The following PRM3 variants were observed in gnomAD, a reference collection of about 807,000 sequenced individuals.
PRM3 encodes protamine 3.
For missense variants in PRM3, 160 were observed against 133.1 expected (o/e 1.20, Z -0.99); for synonymous variants, 72 against 58.2 (o/e 1.24, Z -1.08).
At position 11,273,517 on chromosome 16, in the gene PRM3, C is replaced by T; in HGVS notation, c.79G>A (p.Gly27Ser). The T allele has an allele frequency of 6.2e-7, 1 of 1,610,888 alleles. No homozygotes were observed. Among genetic ancestry groups the T allele is most frequent in the Non-Finnish European group, 8.5e-7 (1 of 1,178,636 alleles). ...AGCTTTTTCATGGAGGATTCGTGGC[C>T]CCGGCCATGGCCCGTGCTGTGGCCT... ...SPGHSTGHGR[G>S]HESSMKKLMA... The change falls in exon 1 of 1, where the codon GGC becomes AGC. Residue 27 changes from glycine (G) to serine (S), a missense_variant. Coordinates refer to ENST00000327157, the MANE Select transcript of PRM3 (RefSeq NM_021247.3).
Position 11,273,232 on chromosome 16 carries a change from ACACTGT to A in PRM3, c.*46_*51del. 1 of 1,481,048 alleles carries A rather than the reference ACACTGT, an allele frequency of 6.8e-7. No homozygotes were observed. The highest frequency in any genetic ancestry group is 9.0e-7 in the Non-Finnish European group (1 of 1,116,590). 91.7% of individuals were successfully genotyped at this position (1,481,048 alleles called of 1,614,324 possible). On this transcript the variant is annotated 3_prime_UTR_variant, in exon 1 of 1. Coordinates refer to ENST00000327157, the MANE Select transcript of PRM3 (RefSeq NM_021247.3). The stretch of plus-strand genomic sequence containing the variant: ...AGACTTTTTATTGACTCTTCTCTGA[ACACTGT>A]CGCCGGAGCAGCAGTGGGCGTCCCT...
rs1430907665 is a variant in PRM3 at position 11,273,209 on chromosome 16, A to T, written c.*75T>A. On this transcript the variant is annotated 3_prime_UTR_variant, in exon 1 of 1. Transcript: ENST00000327157. ...CAGAGACAGGGAGGATTCCTCAGAGACTTTTTATTGACTCTTCTCTGAACA... is the reference window on the plus strand; with the variant it reads ...CAGAGACAGGGAGGATTCCTCAGAGTCTTTTTATTGACTCTTCTCTGAACA... 3.4e-6 allele frequency: 5 copies of T among 1,452,602 alleles called. No homozygotes were observed. The highest frequency in any genetic ancestry group is 2.9e-5 in the African/African-American group (2 of 70,046). The allele number at this position is 1,452,602 out of a possible 1,614,324, so 90.0% of individuals were successfully genotyped here. A position where few individuals can be genotyped will look rare whatever the true frequency, so the allele number is the denominator to read the frequency against.
chr16:11,273,228 C>A lies in PRM3; in HGVS notation c.*56G>T. The A allele has an allele frequency of 6.8e-7, 1 of 1,470,114 alleles. No homozygotes were observed. The highest frequency in any genetic ancestry group is 9.0e-7 in the Non-Finnish European group (1 of 1,115,212). 91.1% of individuals were successfully genotyped at this position (1,470,114 alleles called of 1,614,324 possible). ...TCAGAGACTTTTTATTGACTCTTCT[C>A]TGAACACTGTCGCCGGAGCAGCAGT... On this transcript the variant is annotated 3_prime_UTR_variant, in exon 1 of 1. Coordinates refer to ENST00000327157, the MANE Select transcript of PRM3 (RefSeq NM_021247.3).
In PRM3 at chr16:11,273,507, G is replaced by A; in HGVS notation, c.89C>T (p.Ser30Phe). ...HSTGHGRGHE[S>F]SMKKLMACVS... Reference sequence around the variant, plus strand: ...ACAGGCCATGAGCTTTTTCATGGAGGATTCGTGGCCCCGGCCATGGCCCGT... The same window carrying A: ...ACAGGCCATGAGCTTTTTCATGGAGAATTCGTGGCCCCGGCCATGGCCCGT... The change falls in exon 1 of 1, where the codon TCC (serine) becomes TTC (phenylalanine). Residue 30 changes from serine (S) to phenylalanine (F), a missense_variant. Coordinates refer to ENST00000327157, the MANE Select transcript of PRM3 (RefSeq NM_021247.3). The A allele has an allele frequency of 6.2e-7, 1 of 1,609,700 alleles. No individual in the cohort carries two copies. Among genetic ancestry groups the A allele is most frequent in the South Asian group, 1.1e-5 (1 of 90,754 alleles).
Position 11,273,297 on chromosome 16 carries a change from C to T in PRM3, c.299G>A (p.Arg100Gln), listed in dbSNP as rs429744. 1,389,065 of 1,541,062 alleles carry T rather than the reference C, an allele frequency of 0.9. 631,932 individuals carry two copies. The highest frequency in any genetic ancestry group is 0.93 in the Non-Finnish European group (1,063,826 of 1,143,454). ...AEAQQSPEPK[R>Q]TPS is the part of the protein sequence containing the mutation. Reference sequence around the variant, plus strand: ...CTTCGTTGCGGGTCAGGAGGGTGTCCGCTTGGGCTCGGGGCTCTGCTGGGC... The same window carrying T: ...CTTCGTTGCGGGTCAGGAGGGTGTCTGCTTGGGCTCGGGGCTCTGCTGGGC... Residue 100 changes from arginine to glutamine, a missense_variant, in exon 1 of 1, where the codon CGG becomes CAG. Arg to Gln is a conservative substitution (Grantham distance 43). Coordinates refer to ENST00000327157, the MANE Select transcript of PRM3 (RefSeq NM_021247.3).
In PRM3 at chr16:11,273,280, C is replaced by T. The variant is rs768924305; in HGVS notation, c.*4G>A. On this transcript the variant is annotated 3_prime_UTR_variant, in exon 1 of 1. Coordinates refer to ENST00000327157, the MANE Select transcript of PRM3 (RefSeq NM_021247.3). Reference sequence around the variant, plus strand: ...GGCGTCCCTTCCTGGGCCTTCGTTGCGGGTCAGGAGGGTGTCCGCTTGGGC... The same window carrying T: ...GGCGTCCCTTCCTGGGCCTTCGTTGTGGGTCAGGAGGGTGTCCGCTTGGGC... 25 of 1,528,296 alleles carry T rather than the reference C, an allele frequency of 1.6e-5. No homozygotes were observed. Among genetic ancestry groups the T allele is most frequent in the Middle Eastern group, 3.4e-4 (2 of 5,844 alleles). 94.7% of individuals were successfully genotyped at this position (1,528,296 alleles called of 1,614,324 possible).
rs763357634 is a variant in PRM3 at position 11,273,414 on chromosome 16, TC to T, written c.181del (p.Glu61LysfsTer67). The T allele has an allele frequency of 5.8e-5, 90 of 1,550,160 alleles. No individual in the cohort carries two copies. Among genetic ancestry groups the T allele is most frequent in the African/African-American group, 3.8e-4 (28 of 73,052 alleles). The stretch of plus-strand genomic sequence containing the variant: ...CGGCAGCTCTTCTTTCTCCTCCTCT[TC>T]CCCCTCCTCCTCCTCTTCCTCCTCT... ...EEEEEEEEEGEEEEKEELPVQ... is the reference protein window; with the variant it reads ...EEEEEEEEEGXEEEKEELPVQ... On this transcript the variant is annotated frameshift_variant, in exon 1 of 1. Transcript: ENST00000327157. LOFTEE classifies it low-confidence loss of function (END_TRUNC).
chr16:11,273,320 G>T lies in PRM3; in HGVS notation c.276C>A (p.Ala92=), dbSNP rs1223848391. Residue 92 remains alanine (A), a synonymous_variant, in exon 1 of 1, where the codon GCC becomes GCA. Coordinates refer to ENST00000327157, the MANE Select transcript of PRM3 (RefSeq NM_021247.3). ...TCCGCTTGGGCTCGGGGCTCTGCTG[G>T]GCCTCGGCGTTGTCCTTGTGGCCCT... ...QEEGHKDNAE[A]QQSPEPKRTP... is the part of the protein sequence containing the mutation. 1 of 1,544,978 alleles carries T rather than the reference G, an allele frequency of 6.5e-7. No homozygotes were observed.
At position 11,273,480 on chromosome 16, in the gene PRM3, A is replaced by T; in HGVS notation, c.116T>A (p.Val39Glu). The T allele has an allele frequency of 6.3e-7, 1 of 1,597,088 alleles. No homozygotes were observed. The highest frequency in any genetic ancestry group is 1.3e-5 in the African/African-American group (1 of 74,732). Residue 39 changes from valine (V) to glutamate (E), a missense_variant, in exon 1 of 1, where the codon GTG becomes GAG. Physicochemically the swap from Val to Glu is moderately radical, Grantham distance 121. Transcript: ENST00000327157. ...TGACAAGGAGAAGTTATCCTGACTCACACAGGCCATGAGCTTTTTCATGGA... is the reference window on the plus strand; with the variant it reads ...TGACAAGGAGAAGTTATCCTGACTCTCACAGGCCATGAGCTTTTTCATGGA... ...ESSMKKLMAC[V>E]SQDNFSLSSA...
In PRM3 at chr16:11,273,417, C is replaced by CCCTCCTCCT. The variant is rs766697725; in HGVS notation, c.170_178dup (p.Glu57_Glu59dup). On this transcript the variant is annotated inframe_insertion, in exon 1 of 1. Transcript: ENST00000327157. ...CAGCTCTTCTTTCTCCTCCTCTTCC[C>CCCTCCTCCT]CCTCCTCCTCCTCTTCCTCCTCTTC... The CCCTCCTCCT allele has an allele frequency of 1.1e-5, 17 of 1,551,412 alleles. No individual in the cohort carries two copies. Among genetic ancestry groups the CCCTCCTCCT allele is most frequent in the Non-Finnish European group, 1.5e-5 (17 of 1,148,442 alleles).
Position 11,273,422 on chromosome 16 carries a change from CTCCTCCTCT to C in PRM3, c.165_173del (p.Glu57_Glu59del), listed in dbSNP as rs751209816. 24 of 1,552,770 alleles carry C rather than the reference CTCCTCCTCT, an allele frequency of 1.5e-5. No homozygotes were observed. Among genetic ancestry groups the C allele is most frequent in the South Asian group, 7.1e-5 (6 of 84,432 alleles). On this transcript the variant is annotated inframe_deletion, in exon 1 of 1. Transcript: ENST00000327157. ...CTTCTTTCTCCTCCTCTTCCCCCTC[CTCCTCCTCT>C]TCCTCCTCTTCCTCGCCCGCTGATG... is the stretch of plus-strand genomic sequence containing the variant.
At position 11,273,446 on chromosome 16, in the gene PRM3, G is replaced by C; in HGVS notation, c.150C>G (p.Gly50=). 1 of 1,560,866 alleles carries C rather than the reference G, an allele frequency of 6.4e-7. No homozygotes were observed. Among genetic ancestry groups the C allele is most frequent in the Non-Finnish European group, 8.7e-7 (1 of 1,153,002 alleles). The change falls in exon 1 of 1, where the codon GGC becomes GGG. Residue 50 remains glycine (G), a synonymous_variant. Coordinates refer to ENST00000327157, the MANE Select transcript of PRM3 (RefSeq NM_021247.3). ...SQDNFSLSSA[G]EEEEEEEEEG... is the part of the protein sequence containing the mutation. ...CCTCCTCCTCTTCCTCCTCTTCCTCGCCCGCTGATGACAAGGAGAAGTTAT... is the reference window on the plus strand; with the variant it reads ...CCTCCTCCTCTTCCTCCTCTTCCTCCCCCGCTGATGACAAGGAGAAGTTAT...
chr16:11,273,460 A>C lies in PRM3; in HGVS notation c.136T>G (p.Leu46Val). 1.9e-6 allele frequency: 3 copies of C among 1,579,802 alleles called. No individual in the cohort carries two copies. Among genetic ancestry groups the C allele is most frequent in the Non-Finnish European group, 2.6e-6 (3 of 1,163,240 alleles). The part of the protein sequence containing the change: ...MACVSQDNFS[L>V]SSAGEEEEEE... ...TCCTCTTCCTCGCCCGCTGATGACA[A>C]GGAGAAGTTATCCTGACTCACACAG... The change falls in exon 1 of 1, where the codon TTG (leucine) becomes GTG (valine). Residue 46 changes from leucine (L) to valine (V), a missense_variant. By Grantham distance (32) the Leu-to-Val change is conservative. Coordinates refer to ENST00000327157, the MANE Select transcript of PRM3 (RefSeq NM_021247.3).
chr16:11,273,531 G>C lies in PRM3; in HGVS notation c.65C>G (p.Thr22Arg), dbSNP rs368334860. Reference protein sequence around the residue: ...QSPGHSPGHSTGHGRGHESSM... With the variant: ...QSPGHSPGHSRGHGRGHESSM... ...GGATTCGTGGCCCCGGCCATGGCCC[G>C]TGCTGTGGCCTGGGCTGTGGCCTGG... The change falls in exon 1 of 1, where the codon ACG becomes AGG. Residue 22 changes from threonine to arginine, a missense_variant. By Grantham distance (71) the Thr-to-Arg change is moderately conservative. Transcript: ENST00000327157. 6.2e-7 allele frequency: 1 copy of C among 1,610,048 alleles called. No homozygotes were observed. The highest frequency in any genetic ancestry group is 8.5e-7 in the Non-Finnish European group (1 of 1,178,032).
rs759878960 is a variant in PRM3, at chr16:11,273,600, T to G, written c.-5A>C. 25 of 1,580,974 alleles carry G rather than the reference T, an allele frequency of 1.6e-5. No individual in the cohort carries two copies. Among genetic ancestry groups the G allele is most frequent in the Non-Finnish European group, 2.2e-5 (25 of 1,160,734 alleles). ...CTTGGCACAGCGGGAACCCATGGTC[T>G]ACGTTGCCTGTCTCTCTGGGCAAGG... On this transcript the variant is annotated 5_prime_UTR_variant, in exon 1 of 1. Coordinates refer to ENST00000327157, the MANE Select transcript of PRM3 (RefSeq NM_021247.3).
Position 11,273,571 on chromosome 16 carries a change from T to G in PRM3, c.25A>C (p.Asn9His), listed in dbSNP as rs1272324046. The G allele has an allele frequency of 6.2e-6, 10 of 1,601,826 alleles. No homozygotes were observed. The highest frequency in any genetic ancestry group is 8.5e-6 in the Non-Finnish European group (10 of 1,172,960). ...CTGTGGCCTGGGCTCTGGCCTGTGT[T>G]GAGCTTGGCACAGCGGGAACCCATG... Reference protein sequence around the residue: MGSRCAKLNTGQSPGHSPG... With the variant: MGSRCAKLHTGQSPGHSPG... The change falls in exon 1 of 1, where the codon AAC becomes CAC. Residue 9 changes from asparagine to histidine, a missense_variant. Transcript: ENST00000327157.
chr16:11,273,535 T>C lies in PRM3; in HGVS notation c.61A>G (p.Ser21Gly). ...TCGTGGCCCCGGCCATGGCCCGTGCTGTGGCCTGGGCTGTGGCCTGGGCTC... is the reference window on the plus strand; with the variant it reads ...TCGTGGCCCCGGCCATGGCCCGTGCCGTGGCCTGGGCTGTGGCCTGGGCTC... ...GQSPGHSPGH[S>G]TGHGRGHESS... The change falls in exon 1 of 1, where the codon AGC (serine) becomes GGC (glycine). Residue 21 changes from serine to glycine, a missense_variant. Physicochemically the swap from Ser to Gly is moderately conservative, Grantham distance 56. Transcript: ENST00000327157. 6.2e-7 allele frequency: 1 copy of C among 1,606,994 alleles called. No individual in the cohort carries two copies. The highest frequency in any genetic ancestry group is 8.5e-7 in the Non-Finnish European group (1 of 1,175,178).
In PRM3 at chr16:11,273,204, CAG is replaced by C. The variant is rs1374003828; in HGVS notation, c.*78_*79del. On this transcript the variant is annotated 3_prime_UTR_variant, in exon 1 of 1. Coordinates refer to ENST00000327157, the MANE Select transcript of PRM3 (RefSeq NM_021247.3). ...GGAACCAGAGACAGGGAGGATTCCT[CAG>C]AGACTTTTTATTGACTCTTCTCTGA... is the stretch of plus-strand genomic sequence containing the variant. The C allele has an allele frequency of 5.5e-6, 8 of 1,451,398 alleles. No individual in the cohort carries two copies. Among genetic ancestry groups the C allele is most frequent in the African/African-American group, 1.4e-5 (1 of 70,148 alleles). The allele number at this position is 1,451,398 out of a possible 1,614,324, so 89.9% of individuals were successfully genotyped here. A position where few individuals can be genotyped will look rare whatever the true frequency, so the allele number is the denominator to read the frequency against.
At position 11,273,405 on chromosome 16, in the gene PRM3, T is replaced by C. The variant is rs911408758; in HGVS notation, c.191A>G (p.Glu64Gly). ...GCCCTGCACCGGCAGCTCTTCTTTC[T>C]CCTCCTCTTCCCCCTCCTCCTCCTC... The part of the protein sequence containing the change: ...EEEEEEGEEE[E>G]KEELPVQGKL... The change falls in exon 1 of 1, where the codon GAG becomes GGG. Residue 64 changes from glutamate (E) to glycine (G), a missense_variant. Physicochemically the swap from Glu to Gly is moderately conservative, Grantham distance 98 (BLOSUM62 -2). Transcript: ENST00000327157. The C allele has an allele frequency of 5.8e-6, 9 of 1,548,740 alleles. No individual in the cohort carries two copies. In the African/African-American group the frequency reaches 1.1e-4, roughly 19 times the overall value.
Sources: gnomAD v4.1 joint callset for allele counts on GRCh38, gnomAD v4.1.1 for gene constraint, MANE v1.5 for transcripts, NCBI Gene and HGNC (gene_info 2026-07-23, HGNC 2026-07-21) for gene names.